Variants in B3GALT1 observed in about 807,000 individuals in gnomAD.
The protein encoded by B3GALT1 is UDP-Gal:betaGlcNAc beta 1,3-galactosyltransferase, polypeptide 1.
A neutral mutation model predicts 23.2 loss-of-function variants in B3GALT1; 10 were observed. The observed-to-expected ratio is 0.43, with a 90% CI of 0.27 to 0.73. B3GALT1 has a LOEUF of 0.73. B3GALT1 is among the 30% of genes least tolerant of loss of function. The pLI, the probability that B3GALT1 is intolerant of heterozygous loss-of-function variation, is 0.21. For missense variants in B3GALT1, 299 were observed against 405.4 expected, an observed-to-expected ratio of 0.74 and a Z score of 2.25; for synonymous variants, 156 against 141.5, an observed-to-expected ratio of 1.10 and a Z score of -0.73.
chr2:167,392,618 A>G (rs1287006117), intron 1 of B3GALT1, among the ~76,000 whole-genome samples: 2 of 152,140 alleles, frequency 1.3e-5, no homozygotes, highest in African/African-American at 2.4e-5. Context: ...AAGTTGAATT[A>G]TCTTTTAAAT....
intron 1 of B3GALT1, among the ~76,000 whole-genome samples, chr2:167,395,476 G>A (rs541845917): frequency 6.6e-6 from 1 of 152,218 alleles, no homozygotes; most frequent in East Asian, 1.9e-4. Flanking sequence ...GCTCCTAGTA[G>A]CTGGAAAAGG....
chr2:167,624,951 A>G (rs1400017788), intron 2 of B3GALT1, among the ~76,000 whole-genome samples: 1 of 151,996 alleles, frequency 6.6e-6, no homozygotes, highest in Non-Finnish European at 1.5e-5. Context: ...TGATTTTTCT[A>G]TCAGCCTAAA....
Position 167,870,644 on chromosome 2 carries a change from A to C in B3GALT1, c.*624A>C, listed in dbSNP as rs1482811900. On this transcript the variant is annotated 3_prime_UTR_variant, in exon 5 of 5. Transcript: ENST00000392690. ...AACTCTGCTTGCTCATCCAAGGATT[A>C]AATCTGGTCAGCAGGTGGAATGTGT... 1 of 167,094 alleles carries C rather than the reference A, an allele frequency of 6.0e-6. No individual in the cohort carries two copies. The highest frequency in any genetic ancestry group is 2.4e-5 in the African/African-American group (1 of 41,460). The allele number at this position is 167,094 out of a possible 1,614,324, so 10.4% of individuals were successfully genotyped here.
At chr2:167,654,095 A>G (rs1574192506) in intron 3 of B3GALT1, among the ~76,000 whole-genome samples, 1 of 152,108 alleles carries the variant, frequency 6.6e-6, no homozygotes, top group African/African-American at 2.4e-5. Context: ...TGGCTGGTTG[A>G]CATCCAGGCT....
At chr2:167,704,103 C>A (rs910419495) in intron 3 of B3GALT1, among the ~76,000 whole-genome samples, 6 of 151,118 alleles carry the variant, frequency 4.0e-5, no homozygotes, top group Admixed American at 1.3e-4. Flanking sequence ...ATGGCGTGAA[C>A]CCGGGAGGCG....
rs1684158981 is a variant in B3GALT1 at position 167,566,079 on chromosome 2, T to C, written c.-410+75802T>C. On this transcript the variant is annotated intron_variant, in intron 2 of 4. Coordinates refer to ENST00000392690, the MANE Select transcript of B3GALT1 (RefSeq NM_020981.4). ...ATGTTTATTGCGGCACTATTCACAATAGCAAAGACTTGGAACAAACCCAAA... is the reference window on the plus strand; with the variant it reads ...ATGTTTATTGCGGCACTATTCACAACAGCAAAGACTTGGAACAAACCCAAA... Among the ~76,000 whole-genome samples, 4 of 151,910 alleles carry C rather than the reference T, an allele frequency of 2.6e-5. No homozygotes were observed. In the South Asian group the frequency reaches 8.3e-4, roughly 32 times the overall value.
intron 1 of B3GALT1, among the ~76,000 whole-genome samples, chr2:167,379,053 T>G (rs1198604079): frequency 6.6e-6 from 1 of 152,166 alleles, no homozygotes; most frequent in Non-Finnish European, 1.5e-5. Flanking sequence ...ACTGAATAAT[T>G]TATGAAGGAG....
chr2:167,683,327 T>C (rs573695410), intron 3 of B3GALT1, among the ~76,000 whole-genome samples: 4 of 152,300 alleles, frequency 2.6e-5, no homozygotes, highest in African/African-American at 9.6e-5. Flanking sequence ...TGTAGTCTTC[T>C]TCAAAGTTCA....
At chr2:167,514,965 A>C (rs1700078870) in intron 2 of B3GALT1, among the ~76,000 whole-genome samples, 2 of 152,138 alleles carry the variant, frequency 1.3e-5, no homozygotes, top group African/African-American at 4.8e-5. Context: ...ATTTGTTATG[A>C]TCATTATCTT....
At chr2:167,414,947 G>C (rs1338219465) in intron 1 of B3GALT1, among the ~76,000 whole-genome samples, 1 of 152,106 alleles carries the variant, frequency 6.6e-6, no homozygotes, top group South Asian at 2.1e-4. Flanking sequence ...GTACGTTAAT[G>C]CTTTTCAAGT....
chr2:167,313,272 GA>G (rs904515917), intron 1 of B3GALT1, among the ~76,000 whole-genome samples: 2 of 152,028 alleles, frequency 1.3e-5, no homozygotes, highest in Non-Finnish European at 2.9e-5. Flanking sequence ...ACTTTTTATA[GA>G]AGAAGGCAGA....
intron 2 of B3GALT1, among the ~76,000 whole-genome samples, chr2:167,550,828 G>A (rs998087104): frequency 3.9e-5 from 6 of 152,180 alleles, no homozygotes; most frequent in Non-Finnish European, 7.3e-5. Context: ...GCTTGAGCAC[G>A]TGCATTAAGT....
chr2:167,439,573 C>CT (rs1232352131), intron 1 of B3GALT1, among the ~76,000 whole-genome samples: 1 of 151,528 alleles, frequency 6.6e-6, no homozygotes, highest in East Asian at 1.9e-4. Flanking sequence ...TATTATTATA[C>CT]TTTAAGTTTT....
rs544352003 is a variant in B3GALT1, at chr2:167,633,510, C to CA, written c.-409-13390dup. ...GGAAAGAAAAAAAAAATAGCAACAA[C>CA]AAAAAAAAACCAGGGGTTGCAATCC... On this transcript the variant is annotated intron_variant, in intron 2 of 4. Transcript: ENST00000392690. Among the ~76,000 whole-genome samples, 295 of 149,198 alleles carry CA rather than the reference C, an allele frequency of 2.0e-3. 2 individuals are homozygous for CA. The highest frequency in any genetic ancestry group is 9.9e-4 in the Non-Finnish European group (66 of 66,912).
intron 3 of B3GALT1, among the ~76,000 whole-genome samples, chr2:167,670,900 A>G (rs1413125065): frequency 6.6e-6 from 1 of 152,174 alleles, no homozygotes; most frequent in Admixed American, 6.5e-5. Context: ...ATTTTAGGAC[A>G]CCATGAAGCA....
intron 3 of B3GALT1, among the ~76,000 whole-genome samples, chr2:167,649,499 A>T (rs1156470638): frequency 4.6e-5 from 7 of 152,066 alleles, no homozygotes; most frequent in Non-Finnish European, 8.8e-5. Flanking sequence ...CACTAATCTG[A>T]TTTCTAAGAA....
At chr2:167,756,899 A>C (rs765476372) in intron 3 of B3GALT1, among the ~76,000 whole-genome samples, 1 of 152,176 alleles carries the variant, frequency 6.6e-6, no homozygotes, top group African/African-American at 2.4e-5. Context: ...TCTTTGTAAG[A>C]GGATGAAATA....
intron 1 of B3GALT1, among the ~76,000 whole-genome samples, chr2:167,296,422 T>G (rs1347727986): frequency 6.6e-6 from 1 of 152,198 alleles, no homozygotes; most frequent in Admixed American, 6.5e-5. Flanking sequence ...AATTAAAAAC[T>G]TCAACTGGTT....
At chr2:167,684,096 T>G (rs1180048068) in intron 3 of B3GALT1, among the ~76,000 whole-genome samples, 2 of 152,202 alleles carry the variant, frequency 1.3e-5, no homozygotes, top group African/African-American at 4.8e-5. Context: ...CAGCACCTAA[T>G]GCAAGGCATC....
Sources: allele counts gnomAD v4.1 joint callset (sites outside exome capture counted in the v4.1 genomes callset), GRCh38; gene constraint gnomAD v4.1.1; transcripts MANE v1.5; gene names NCBI Gene and HGNC (gene_info 2026-07-23, HGNC 2026-07-21).